The following CDH13 variants were observed in gnomAD, a reference collection of about 807,000 sequenced individuals.
CDH13 encodes the protein cadherin 13.
A neutral mutation model predicts 63.8 loss-of-function variants in CDH13; 24 were observed. The observed-to-expected ratio is 0.38, with a 90% CI of 0.27 to 0.53. The LOEUF (loss-of-function observed/expected upper bound fraction) is 0.53. CDH13 is among the 20% of genes least tolerant of loss of function. The probability of loss-of-function intolerance (pLI) is 0.85; values close to 1 mark genes in which losing one functional copy is unlikely to be tolerated. For synonymous variants in CDH13, 503 were observed against 355.3 expected, an observed-to-expected ratio of 1.42 and a Z score of -4.67; for missense variants, 1,049 against 903.1, an observed-to-expected ratio of 1.16 and a Z score of -2.07.
At chr16:83,394,963 C>T (rs1597915537) in intron 6 of CDH13, among the ~76,000 whole-genome samples, 1 of 151,986 alleles carries the variant, frequency 6.6e-6, no homozygotes, top group Non-Finnish European at 1.5e-5. Flanking sequence ...GCCTGGCCAA[C>T]ATGGTGAAAT....
At chr16:82,851,617 C>G (rs1353710420) in intron 1 of CDH13, among the ~76,000 whole-genome samples, 2 of 151,832 alleles carry the variant, frequency 1.3e-5, no homozygotes, top group Non-Finnish European at 2.9e-5. Flanking sequence ...ACACCAGGAA[C>G]ATTTTAAGGA....
rs1408173442 is a variant in CDH13, at chr16:82,644,038, G to GT, written c.45+16902dup. ...CAGGCTTGGCTGACTTTTAAAAGTA[G>GT]TAAGTGGTTTAGGATGGGGGGTGGT... On this transcript the variant is annotated intron_variant, in intron 1 of 13. Coordinates refer to ENST00000567109, the MANE Select transcript of CDH13 (RefSeq NM_001257.5). This position sits in a 1 kb window ranked among gnomAD's most constrained non-coding sequence, Gnocchi z 5.7. Among the ~76,000 whole-genome samples the GT allele has an allele frequency of 6.6e-6, 1 of 152,194 alleles. No individual in the cohort carries two copies. Among genetic ancestry groups the GT allele is most frequent in the Non-Finnish European group, 1.5e-5 (1 of 68,036 alleles).
chr16:83,312,541 C>G (rs547766718), intron 5 of CDH13, among the ~76,000 whole-genome samples: 1 of 152,210 alleles, frequency 6.6e-6, no homozygotes. Context: ...TTCTGATTGG[C>G]TTAGGTTGTA....
intron 5 of CDH13, among the ~76,000 whole-genome samples, chr16:83,314,557 T>TAA (rs966492045): frequency 6.6e-6 from 1 of 150,844 alleles, no homozygotes; most frequent in African/African-American, 2.4e-5. Flanking sequence ...GTCAGTGTGT[T>TAA]AAAAAAAAAT....
chr16:83,423,559 G>A (rs147071865), intron 6 of CDH13, among the ~76,000 whole-genome samples: 67 of 151,766 alleles, frequency 4.4e-4, no homozygotes, highest in Non-Finnish European at 8.1e-4. Flanking sequence ...TGAAATAAAA[G>A]TTTATAACTG....
At chr16:82,717,531 G>C (rs1291381793) in intron 1 of CDH13, among the ~76,000 whole-genome samples, 1 of 151,480 alleles carries the variant, frequency 6.6e-6, no homozygotes, top group Non-Finnish European at 1.5e-5. Context: ...GAGGCAAGTT[G>C]TTGGCTAGAG....
chr16:82,950,191 A>G (rs190282137), intron 2 of CDH13, among the ~76,000 whole-genome samples: 1 of 152,122 alleles, frequency 6.6e-6, no homozygotes, highest in Admixed American at 6.6e-5. Context: ...GAATCTGTTC[A>G]TGCCTCTCTC....
intron 5 of CDH13, among the ~76,000 whole-genome samples, chr16:83,326,344 T>G (rs1244520329): frequency 6.6e-6 from 1 of 152,156 alleles, no homozygotes; most frequent in Non-Finnish European, 1.5e-5. Flanking sequence ...CTTTAAGGGG[T>G]AGCATAAATC....
intron 11 of CDH13, among the ~76,000 whole-genome samples, chr16:83,761,082 A>G (rs924098953): frequency 6.6e-6 from 1 of 152,226 alleles, no homozygotes; most frequent in Admixed American, 6.5e-5. Flanking sequence ...CAATTTTAAG[A>G]TGGTAGCAAA....
intron 7 of CDH13, among the ~76,000 whole-genome samples, chr16:83,593,009 T>G (rs2150738891): frequency 6.6e-6 from 1 of 152,242 alleles, no homozygotes; most frequent in East Asian, 1.9e-4. Flanking sequence ...CTATTCCCAG[T>G]GTTATGTGGC....
chr16:83,342,801 C>G (rs1190180016), intron 5 of CDH13, among the ~76,000 whole-genome samples: 4 of 145,376 alleles, frequency 2.8e-5, no homozygotes, highest in African/African-American at 5.1e-5. Flanking sequence ...GATTCAGATC[C>G]AAGATATTTG....
At chr16:83,503,087 C>G (rs12444545) in intron 7 of CDH13, among the ~76,000 whole-genome samples, 40,903 of 152,148 alleles carry the variant, frequency 0.27, 5,744 homozygotes, top group Admixed American at 0.34. Context: ...CCTCCTAGAT[C>G]TGTACCTTGT....
chr16:83,081,239 T>C (rs2033231656), intron 3 of CDH13, among the ~76,000 whole-genome samples: 1 of 152,066 alleles, frequency 6.6e-6, no homozygotes, highest in Non-Finnish European at 1.5e-5. Context: ...CATTGAATCG[T>C]ATTTATTGAG....
intron 5 of CDH13, among the ~76,000 whole-genome samples, chr16:83,278,946 G>A (rs183699271): frequency 6.6e-6 from 1 of 152,198 alleles, no homozygotes; most frequent in Non-Finnish European, 1.5e-5. Context: ...AGCCTGGATA[G>A]AAATACAGAA....
intron 2 of CDH13, among the ~76,000 whole-genome samples, chr16:83,003,297 A>G (rs12445776): frequency 0.46 from 69,834 of 151,930 alleles, 16,307 homozygotes; most frequent in Admixed American, 0.52. Flanking sequence ...GTGGATTGCC[A>G]TCTCTCATGG....
intron 5 of CDH13, among the ~76,000 whole-genome samples, chr16:83,315,404 A>T (rs2090084707): frequency 6.6e-6 from 1 of 152,218 alleles, no homozygotes; most frequent in Non-Finnish European, 1.5e-5. Flanking sequence ...AGAACCTTGG[A>T]GTTAACTGTG....
chr16:83,412,832 A>T (rs1368540063), intron 6 of CDH13, among the ~76,000 whole-genome samples: 1 of 152,234 alleles, frequency 6.6e-6, no homozygotes, highest in Non-Finnish European at 1.5e-5. Flanking sequence ...CCAGGGCAAG[A>T]ACTGCAGCTT....
At chr16:82,916,216 G>T (rs1373635664) in intron 2 of CDH13, among the ~76,000 whole-genome samples, 1 of 152,144 alleles carries the variant, frequency 6.6e-6, no homozygotes, top group Admixed American at 6.5e-5. Context: ...GCGGAAATAG[G>T]TTAACCCACA....
chr16:83,467,022 G>A (rs1025337738), intron 6 of CDH13, among the ~76,000 whole-genome samples: 2 of 152,056 alleles, frequency 1.3e-5, no homozygotes, highest in African/African-American at 2.4e-5. Context: ...GGAACCAGCT[G>A]GATCCAGGAC....
Sources: allele counts gnomAD v4.1 joint callset (sites outside exome capture counted in the v4.1 genomes callset), GRCh38; gene constraint gnomAD v4.1.1; non-coding constraint Gnocchi (gnomAD v3.1); transcripts MANE v1.5; gene names NCBI Gene and HGNC (gene_info 2026-07-23, HGNC 2026-07-21).